The following ANKRD35 variants were observed in gnomAD, a reference collection of about 807,000 sequenced individuals.
The protein encoded by ANKRD35 is ankyrin repeat domain 35.
Under a neutral mutation model 109.9 loss-of-function variants are expected in ANKRD35, and 102 were observed. The ratio of observed to expected loss-of-function variants is 0.93; its 90% CI spans 0.79 to 1.09. ANKRD35 has a LOEUF of 1.09. ANKRD35 is among the 50% of genes least tolerant of loss of function. ANKRD35 has a pLI of 0.00. For missense variants in ANKRD35, 1,240 were observed against 1,230.1 expected, an observed-to-expected ratio of 1.01 and a Z score of -0.12; for synonymous variants, 515 against 512.4, an observed-to-expected ratio of 1.01 and a Z score of -0.07.
Position 145,872,955 on chromosome 1 carries a change from AG to A in ANKRD35, c.1813del (p.Leu605Ter), listed in dbSNP as rs781845862. The part of the protein sequence containing the change: ...PLGALGGEKA[L>X]GGLAKGQLEK... ...CAGCTGTCCCTTTGCCAGGCCTCCT[AG>A]GGCCTTTTCCCCTCCAAGGGCCCCT... On this transcript the variant is annotated frameshift_variant, in exon 10 of 14. Transcript: ENST00000355594. LOFTEE classifies it high-confidence loss of function. The A allele has an allele frequency of 1.2e-6, 2 of 1,611,150 alleles. No individual in the cohort carries two copies. Among genetic ancestry groups the A allele is most frequent in the Non-Finnish European group, 1.7e-6 (2 of 1,178,422 alleles).
At chr1:145,885,222 G>A (rs1297279087) in intron 1 of ANKRD35, among the ~76,000 whole-genome samples, 1 of 152,154 alleles carries the variant, frequency 6.6e-6, no homozygotes, top group African/African-American at 2.4e-5. Context: ...CACAGGGCTG[G>A]GAGTGCTTGT....
chr1:145,870,089 A>AT (rs1653754391), intron 10 of ANKRD35, among the ~76,000 whole-genome samples: 2 of 112,184 alleles, frequency 1.8e-5, no homozygotes, highest in African/African-American at 1.0e-4. Context: ...AAGAGTTCCA[A>AT]ATTTTTTTTT....
At chr1:145,869,772 GGGAAGTATTATAATCTACGTTT>G (rs1553738276) in intron 10 of ANKRD35, among the ~76,000 whole-genome samples, 1 of 152,008 alleles carries the variant, frequency 6.6e-6, no homozygotes, top group Non-Finnish European at 1.5e-5. Context: ...CTCCGCCTGA[GGGAAGTATTATAATCTACGTTT>G]TGTAGATAAA....
At chr1:145,874,022 G>A (rs1653964891) in intron 9 of ANKRD35, 37 bp from the exon 10 acceptor site, 1 of 1,612,062 alleles carries the variant, frequency 6.2e-7, no homozygotes, top group Non-Finnish European at 8.5e-7. Context: ...GTGGCCACTA[G>A]GCAACGAACT....
Position 145,872,867 on chromosome 1 carries a change from C to T in ANKRD35, c.1902G>A (p.Leu634=). 3 of 1,614,146 alleles carry T rather than the reference C, an allele frequency of 1.9e-6. No individual in the cohort carries two copies. Among genetic ancestry groups the T allele is most frequent in the Non-Finnish European group, 1.7e-6 (2 of 1,180,038 alleles). Residue 634 remains leucine (L), a synonymous_variant, in exon 10 of 14, where the codon TTG becomes TTA. Transcript: ENST00000355594. ...TCTGCAACCTCTGCCGCTCCCGCCC[C>T]AACTCCCCTAACTCCTCCAGCAAGT... ...NSNLLEELGE[L]GRERQRLQRE... is the part of the protein sequence containing the mutation.
chr1:145,872,420 C>T lies in ANKRD35; in HGVS notation c.2349G>A (p.Glu783=), dbSNP rs374761917. The change falls in exon 10 of 14, where the codon GAG becomes GAA. Residue 783 remains glutamate (E), a synonymous_variant. Coordinates refer to ENST00000355594, the MANE Select transcript of ANKRD35 (RefSeq NM_144698.5). ...CTTCCTCCAGCTTCCCCAGGTCTTG[C>T]TCCAGAGCGGCCACTTGGGGGGATG... ...APASPQVAAL[E]QDLGKLEEEL... is the part of the protein sequence containing the mutation. 2 of 1,612,874 alleles carry T rather than the reference C, an allele frequency of 1.2e-6. No individual in the cohort carries two copies. The highest frequency in any genetic ancestry group is 1.7e-5 in the Admixed American group (1 of 59,904).
Position 145,872,542 on chromosome 1 carries a change from C to A in ANKRD35, c.2227G>T (p.Ala743Ser). The A allele has an allele frequency of 6.2e-7, 1 of 1,607,304 alleles. No individual in the cohort carries two copies. The highest frequency in any genetic ancestry group is 8.5e-7 in the Non-Finnish European group (1 of 1,176,770). ...TGCAGCCGAGCCAGCACCTGCTGGG[C>A]CTCCCGGTGCCGATCCACCAGGGTG... is the stretch of plus-strand genomic sequence containing the variant. ...ISTLVDRHRE[A>S]QQVLARLQEE... The change falls in exon 10 of 14, where the codon GCC becomes TCC. Residue 743 changes from alanine (A) to serine (S), a missense_variant. Transcript: ENST00000355594.
chr1:145,870,242 C>T (rs1451704969), intron 10 of ANKRD35, among the ~76,000 whole-genome samples: 2 of 151,814 alleles, frequency 1.3e-5, no homozygotes, highest in Non-Finnish European at 1.5e-5. Flanking sequence ...CAGGCGCCCA[C>T]CACCACGCCC....
intron 1 of ANKRD35, among the ~76,000 whole-genome samples, chr1:145,881,849 G>T (rs1345141671): frequency 6.6e-6 from 1 of 151,958 alleles, no homozygotes; most frequent in Non-Finnish European, 1.5e-5. Flanking sequence ...CCAGCCAGGA[G>T]AGTGGAAGGG....
At position 145,876,611 on chromosome 1, in the gene ANKRD35, G is replaced by A. The variant is rs1553740149; in HGVS notation, c.411C>T (p.Leu137=). The A allele has an allele frequency of 1.1e-5, 17 of 1,614,058 alleles. No homozygotes were observed. The highest frequency in any genetic ancestry group is 2.2e-5 in the East Asian group (1 of 44,888). Residue 137 remains leucine (L), a synonymous_variant, in exon 6 of 14, where the codon CTC becomes CTT. Coordinates refer to ENST00000355594, the MANE Select transcript of ANKRD35 (RefSeq NM_144698.5). ...AASSGCASSV[L]LLCDHEAFLD... ...GGAAGGCTTCGTGGTCACACAGCAG[G>A]AGCACACTTGAGGCACAGCCAGAGG... is the stretch of plus-strand genomic sequence containing the variant.
chr1:145,874,855 G>T lies in ANKRD35; in HGVS notation c.712C>A (p.Leu238Ile). ...CGCCGCCGGCTCAGGGCCTGCTGTA[G>T]GTGCCTCCACAGTGCCTTGTCTTGT... The part of the protein sequence containing the change: ...HTQDKALWRH[L>I]QQALSRRRRG... The change falls in exon 8 of 14, where the codon CTA (leucine) becomes ATA (isoleucine). Residue 238 changes from leucine (L) to isoleucine (I), a missense_variant. Leu to Ile is a conservative substitution (Grantham distance 5). Transcript: ENST00000355594. 6.2e-7 allele frequency: 1 copy of T among 1,608,568 alleles called. No homozygotes were observed. The highest frequency in any genetic ancestry group is 8.5e-7 in the Non-Finnish European group (1 of 1,177,224).
At chr1:145,883,925 C>T (rs1553741511) in intron 1 of ANKRD35, among the ~76,000 whole-genome samples, 1 of 152,160 alleles carries the variant, frequency 6.6e-6, no homozygotes, top group Non-Finnish European at 1.5e-5. Context: ...TTCCCATAAT[C>T]TCATTATAGT....
chr1:145,881,737 C>T (rs1222011448), intron 1 of ANKRD35, among the ~76,000 whole-genome samples: 1 of 152,118 alleles, frequency 6.6e-6, no homozygotes, highest in Non-Finnish European at 1.5e-5. Context: ...TTTCCTAATA[C>T]TATAACAACC....
chr1:145,879,798 T>A (rs190813310), intron 1 of ANKRD35, among the ~76,000 whole-genome samples: 3 of 152,220 alleles, frequency 2.0e-5, no homozygotes, highest in Non-Finnish European at 4.4e-5. Flanking sequence ...TGAGGACTCA[T>A]GTTGCCTCTC....
At chr1:145,880,478 C>T (rs149909467) in intron 1 of ANKRD35, among the ~76,000 whole-genome samples, 13 of 152,254 alleles carry the variant, frequency 8.5e-5, no homozygotes, top group African/African-American at 2.2e-4. Flanking sequence ...CTATAAAATA[C>T]GGCTAATAAC....
Position 145,876,361 on chromosome 1 carries a change from G to T in ANKRD35, c.454-115C>A, listed in dbSNP as rs1017938002. 31 of 1,177,816 alleles carry T rather than the reference G, an allele frequency of 2.6e-5. No homozygotes were observed. The South Asian group carries it at 4.4e-4, about 17-fold the overall frequency. 73.0% of individuals were successfully genotyped at this position (1,177,816 alleles called of 1,614,324 possible). On this transcript the variant is annotated intron_variant, in intron 6 of 13. Coordinates refer to ENST00000355594, the MANE Select transcript of ANKRD35 (RefSeq NM_144698.5). ...AAAAAAAATAAAAGCCCAGATCTTG[G>T]GTCTGAACACTCCCTTTTGGAGGGT...
chr1:145,880,007 T>C (rs1361883794), intron 1 of ANKRD35, among the ~76,000 whole-genome samples: 1 of 152,202 alleles, frequency 6.6e-6, no homozygotes, highest in African/African-American at 2.4e-5. Flanking sequence ...TCTAGGCCCT[T>C]TGGCGACCGT....
chr1:145,885,609 A>G (rs1654447096), intron 1 of ANKRD35, 111 bp downstream of exon 1: 22 of 1,283,432 alleles, frequency 1.7e-5, no homozygotes, highest in African/African-American at 2.9e-5. Flanking sequence ...TAGAAGAGCT[A>G]GAAAGACTGA....
At chr1:145,880,400 A>C (rs1472269968) in intron 1 of ANKRD35, among the ~76,000 whole-genome samples, 1 of 152,224 alleles carries the variant, frequency 6.6e-6, no homozygotes, top group Non-Finnish European at 1.5e-5. Flanking sequence ...TTTGGGACCT[A>C]GTTCAGCTAC....
Sources: allele counts gnomAD v4.1 joint callset (sites outside exome capture counted in the v4.1 genomes callset), GRCh38; gene constraint gnomAD v4.1.1; transcripts MANE v1.5; gene names NCBI Gene and HGNC (gene_info 2026-07-23, HGNC 2026-07-21).